The following TANC2 variants were observed in gnomAD, a reference collection of about 807,000 sequenced individuals.
TANC2 encodes the protein protein TANC2.
In TANC2, 26 loss-of-function variants were observed where a neutral mutation model predicts 210.5. That is an observed-to-expected ratio of 0.12 (90% CI 0.09 to 0.17). The LOEUF is 0.17. Ranked by LOEUF, TANC2 falls within the 10% of genes least tolerant of loss-of-function variation. TANC2 has a pLI of 1.00. For missense variants in TANC2, 2,129 were observed against 2,608.9 expected, an observed-to-expected ratio of 0.82 and a Z score of 4.01; for synonymous variants, 931 against 967.1, an observed-to-expected ratio of 0.96 and a Z score of 0.69.
At chr17:63,174,528 A>G (rs1258630533) in intron 5 of TANC2, among the ~76,000 whole-genome samples, 4 of 152,230 alleles carry the variant, frequency 2.6e-5, no homozygotes, top group African/African-American at 9.6e-5. Flanking sequence ...ACCTGATGCT[A>G]GAGCTAATTA....
rs558434282 is a variant in TANC2 at position 63,027,934 on chromosome 17, AT to A, written c.67+18316del. ...CCCCACCTCATTCCATTTTCATAGA[AT>A]TTTTTTTCTATTCTATTCTGGTTCT... On this transcript the variant is annotated intron_variant, in intron 2 of 27. Transcript: ENST00000689528. Among the ~76,000 whole-genome samples, 298 of 151,954 alleles carry A rather than the reference AT, an allele frequency of 2.0e-3. 1 individual carries two copies. Among genetic ancestry groups the A allele is most frequent in the Middle Eastern group, 6.8e-3 (2 of 294 alleles).
chr17:63,147,189 G>A (rs1041558705), intron 4 of TANC2, among the ~76,000 whole-genome samples: 2 of 147,328 alleles, frequency 1.4e-5, no homozygotes, highest in East Asian at 1.9e-4. Flanking sequence ...AAGAAATAAC[G>A]AAAATTACCC....
At chr17:63,119,004 G>A (rs1472171490) in intron 4 of TANC2, among the ~76,000 whole-genome samples, 1 of 151,852 alleles carries the variant, frequency 6.6e-6, no homozygotes, top group Non-Finnish European at 1.5e-5. Flanking sequence ...GGATGGTCTC[G>A]ATCTCCTGAC....
At chr17:63,153,748 A>T (rs766409807) in intron 5 of TANC2, 2 of 152,164 alleles carry the variant, frequency 1.3e-5, no homozygotes, top group Non-Finnish European at 2.9e-5. Flanking sequence ...CTGGGGAGTA[A>T]CTGCCAGTGT....
intron 1 of TANC2, among the ~76,000 whole-genome samples, chr17:62,969,183 C>G (rs1051814495): frequency 1.3e-5 from 2 of 152,194 alleles, no homozygotes; most frequent in African/African-American, 2.4e-5. Flanking sequence ...AGCACCTATT[C>G]TTTGCCAGTC....
chr17:63,135,810 G>T (rs1328447978), intron 4 of TANC2, among the ~76,000 whole-genome samples: 1 of 152,048 alleles, frequency 6.6e-6, no homozygotes, highest in South Asian at 2.1e-4. Context: ...TCCAAACTTT[G>T]AAATTTGGAA....
intron 5 of TANC2, among the ~76,000 whole-genome samples, chr17:63,162,259 G>T (rs2040053387): frequency 6.6e-6 from 1 of 151,480 alleles, no homozygotes; most frequent in Non-Finnish European, 1.5e-5. Flanking sequence ...AAGTATGATT[G>T]TGTCACTGCA....
At chr17:63,195,845 C>A (rs543554037) in intron 6 of TANC2, among the ~76,000 whole-genome samples, 2 of 152,306 alleles carry the variant, frequency 1.3e-5, no homozygotes, top group African/African-American at 4.8e-5. Context: ...CAGAAGGCTA[C>A]ACCTGATCTA....
At chr17:63,213,570 C>T (rs990438212) in intron 7 of TANC2, among the ~76,000 whole-genome samples, 1 of 152,084 alleles carries the variant, frequency 6.6e-6, no homozygotes, top group African/African-American at 2.4e-5. Flanking sequence ...TTTATTTAAA[C>T]AATACAGACA....
intron 4 of TANC2, among the ~76,000 whole-genome samples, chr17:63,103,782 A>T (rs2037721016): frequency 1.3e-5 from 2 of 152,314 alleles, no homozygotes; most frequent in Middle Eastern, 3.4e-3. Flanking sequence ...GCACTTTTTA[A>T]TGAGTAATAG....
chr17:63,009,207 T>C (rs1455355373), intron 1 of TANC2, among the ~76,000 whole-genome samples: 1 of 152,048 alleles, frequency 6.6e-6, no homozygotes, highest in Non-Finnish European at 1.5e-5. Flanking sequence ...GTTAATTCTT[T>C]ATAATTAATT....
chr17:63,037,821 A>T (rs1016100297), intron 2 of TANC2, among the ~76,000 whole-genome samples: 6 of 152,296 alleles, frequency 3.9e-5, no homozygotes, highest in Admixed American at 3.9e-4. Context: ...TCAAAAAATA[A>T]AATAAAACAT....
At chr17:62,974,936 C>A (rs1472296302) in intron 1 of TANC2, among the ~76,000 whole-genome samples, 2 of 152,132 alleles carry the variant, frequency 1.3e-5, no homozygotes, top group Admixed American at 1.3e-4. Context: ...ATCTTTGGAC[C>A]AGGTAGCCAT....
intron 2 of TANC2, 34 bp downstream of exon 2, chr17:63,009,660 A>G: frequency 6.3e-7 from 1 of 1,581,444 alleles, no homozygotes; most frequent in Non-Finnish European, 8.7e-7. Flanking sequence ...TGTGCGTGAT[A>G]TTTTACAAAT....
rs79361029 is a variant in TANC2, at chr17:63,318,569, C to T, written c.1442-388C>T. 4.6e-5 allele frequency among the ~76,000 whole-genome samples: 7 copies of T among 152,306 alleles called. No homozygotes were observed. In the East Asian group the frequency reaches 1.3e-3, roughly 29 times the overall value. On this transcript the variant is annotated intron_variant, in intron 10 of 27. Coordinates refer to ENST00000689528, the Ensembl canonical transcript of TANC2. ...TCTCTACAGATGTTTCTGTTCTGGG[C>T]ATTTCACATAAATAGAATCATACAA... is the stretch of plus-strand genomic sequence containing the variant.
At chr17:63,111,362 G>A (rs1448794445) in intron 4 of TANC2, among the ~76,000 whole-genome samples, 8 of 152,122 alleles carry the variant, frequency 5.3e-5, no homozygotes, top group South Asian at 2.1e-4. Context: ...AGTTTAGCTC[G>A]TAGAAGGTGA....
intron 2 of TANC2, among the ~76,000 whole-genome samples, chr17:63,051,599 A>G (rs906204784): frequency 1.8e-4 from 28 of 152,282 alleles, no homozygotes; most frequent in African/African-American, 6.7e-4. Flanking sequence ...TATTATAGCT[A>G]TGTATGTATA....
intron 5 of TANC2, among the ~76,000 whole-genome samples, chr17:63,187,700 G>A (rs982907332): frequency 2.0e-5 from 3 of 151,806 alleles, no homozygotes; most frequent in Admixed American, 6.6e-5. Flanking sequence ...GAAACATGAA[G>A]ATTTCACTAA....
intron 4 of TANC2, among the ~76,000 whole-genome samples, chr17:63,100,737 C>T (rs752045345): frequency 1.3e-5 from 2 of 152,062 alleles, no homozygotes; most frequent in Non-Finnish European, 2.9e-5. Context: ...TTAGAGATAC[C>T]GCTTTCCTAT....
Sources: allele counts gnomAD v4.1 joint callset (sites outside exome capture counted in the v4.1 genomes callset), GRCh38; gene constraint gnomAD v4.1.1; transcripts MANE v1.5; gene names NCBI Gene and HGNC (gene_info 2026-07-23, HGNC 2026-07-21).